Variants in KIAA0319L observed in about 807,000 individuals in gnomAD.
The protein encoded by KIAA0319L is dyslexia-associated protein KIAA0319-like protein.
A neutral mutation model predicts 120.1 loss-of-function variants in KIAA0319L; 55 were observed. The ratio of observed to expected loss-of-function variants is 0.46; its 90% CI spans 0.37 to 0.57. KIAA0319L has a LOEUF of 0.57. KIAA0319L is among the 20% of genes least tolerant of loss of function. The probability of loss-of-function intolerance (pLI) is 0.00; values close to 1 mark genes in which losing one functional copy is unlikely to be tolerated. For synonymous variants in KIAA0319L, 398 were observed against 471.9 expected, an observed-to-expected ratio of 0.84 and a Z score of 2.03; for missense variants, 1,049 against 1,255.3, an observed-to-expected ratio of 0.84 and a Z score of 2.48.
intron 16 of KIAA0319L, 39 bp downstream of exon 16, chr1:35,448,134 T>A: frequency 6.5e-7 from 1 of 1,539,300 alleles, no homozygotes; most frequent in Non-Finnish European, 8.8e-7. Flanking sequence ...CGGGGGCCCC[T>A]GGTCTTTCCT....
chr1:35,443,973 G>A (rs888322659), intron 17 of KIAA0319L, 188 bp downstream of exon 17: 3 of 462,958 alleles, frequency 6.5e-6, no homozygotes, highest in Non-Finnish European at 1.1e-5. Context: ...GATCTCAGGG[G>A]CCCATGGGCC....
intron 4 of KIAA0319L, among the ~76,000 whole-genome samples, chr1:35,477,469 C>T (rs1164295922): frequency 6.6e-6 from 1 of 152,072 alleles, no homozygotes; most frequent in Non-Finnish European, 1.5e-5. Flanking sequence ...AGATCGAGAC[C>T]ATCCTGGCTA....
rs918383686 is a variant in KIAA0319L at position 35,465,550 on chromosome 1, G to C, written c.1201+1058C>G. On this transcript the variant is annotated intron_variant, in intron 7 of 20. Transcript: ENST00000325722. ...GGCAGAATCGACTTGCCTTGTCTCA[G>C]ATGAGACATTGGACTGTGGACTTTT... 5.9e-5 allele frequency among the ~76,000 whole-genome samples: 9 copies of C among 152,342 alleles called. 1 individual carries two copies. Among genetic ancestry groups the C allele is most frequent in the Admixed American group, 2.6e-4 (4 of 15,304 alleles).
At chr1:35,464,429 T>C (rs1463446900) in intron 7 of KIAA0319L, among the ~76,000 whole-genome samples, 2 of 152,178 alleles carry the variant, frequency 1.3e-5, no homozygotes, top group Non-Finnish European at 2.9e-5. Flanking sequence ...TCTGCAGAAC[T>C]TTGAACTTGA....
chr1:35,499,213 C>T (rs1644914785), intron 3 of KIAA0319L, among the ~76,000 whole-genome samples: 1 of 152,128 alleles, frequency 6.6e-6, no homozygotes, highest in Non-Finnish European at 1.5e-5. Flanking sequence ...ACTCTTGCTT[C>T]GTAGGTGCTA....
rs184943005 is a variant in KIAA0319L at position 35,471,626 on chromosome 1, C to T, written c.1016-666G>A. Among the ~76,000 whole-genome samples the T allele has an allele frequency of 3.3e-3, 508 of 152,186 alleles. 2 individuals are homozygous for T. Among genetic ancestry groups the T allele is most frequent in the Non-Finnish European group, 4.7e-3 (317 of 67,990 alleles). Reference sequence around the variant, plus strand: ...TGGTAGGATCCTATCTAAATGGCATCCCTCCCCAGAAAAAGTAGTCTTAAA... The same window carrying T: ...TGGTAGGATCCTATCTAAATGGCATTCCTCCCCAGAAAAAGTAGTCTTAAA... On this transcript the variant is annotated intron_variant, in intron 5 of 20. Transcript: ENST00000325722.
In KIAA0319L at chr1:35,529,350, T is replaced by C. The variant is rs138253125; in HGVS notation, c.143-22215A>G. 7.9e-5 allele frequency among the ~76,000 whole-genome samples: 12 copies of C among 152,380 alleles called. No individual in the cohort carries two copies. The East Asian group carries it at 2.3e-3, about 29-fold the overall frequency. On this transcript the variant is annotated intron_variant, in intron 2 of 20. Transcript: ENST00000325722. ...CTTTCTTATTGTTATGGTTTGATGA[T>C]AAAATGAGTGAGTCCTTACTCTTTC...
At chr1:35,547,142 G>A (rs907914506) in intron 2 of KIAA0319L, among the ~76,000 whole-genome samples, 1 of 143,696 alleles carries the variant, frequency 7.0e-6, no homozygotes, top group Non-Finnish European at 1.5e-5. Context: ...ATTTATATAT[G>A]TAATATATAC....
rs765857225 is a variant in KIAA0319L at position 35,434,893 on chromosome 1, G to A, written c.*1C>T. On this transcript the variant is annotated 3_prime_UTR_variant, in exon 21 of 21. Coordinates refer to ENST00000325722, the MANE Select transcript of KIAA0319L (RefSeq NM_024874.5). ...CTGCCCTGAGGAGACAGACCAGGTG[G>A]CTACAGGATCTCCTCCCGCGGGCTC... is the stretch of plus-strand genomic sequence containing the variant. 6.2e-7 allele frequency: 1 copy of A among 1,611,728 alleles called. No individual in the cohort carries two copies. The highest frequency in any genetic ancestry group is 8.5e-7 in the Non-Finnish European group (1 of 1,179,612).
chr1:35,525,274 C>G (rs1009886580), intron 2 of KIAA0319L, among the ~76,000 whole-genome samples: 6 of 152,156 alleles, frequency 3.9e-5, no homozygotes, highest in African/African-American at 9.7e-5. Flanking sequence ...AATTCCATAT[C>G]TTTGCTATTG....
At position 35,507,098 on chromosome 1, in the gene KIAA0319L, T is replaced by C. The variant is rs756388198; in HGVS notation, c.180A>G (p.Gln60=). ...SESRCQQGKT[Q]FGVGLRSGGE... ...CCCCAGATCTCAGGCCAACTCCAAA[T>C]TGTGTCTTCCCCTGCTGGCACCTGC... The change falls in exon 3 of 21, where the codon CAA becomes CAG. Residue 60 remains glutamine, a synonymous_variant. Transcript: ENST00000325722. 20 of 1,542,098 alleles carry C rather than the reference T, an allele frequency of 1.3e-5. No individual in the cohort carries two copies. Among genetic ancestry groups the C allele is most frequent in the African/African-American group, 6.9e-5 (5 of 72,316 alleles).
At chr1:35,501,203 A>T (rs1260546080) in intron 3 of KIAA0319L, among the ~76,000 whole-genome samples, 1 of 152,208 alleles carries the variant, frequency 6.6e-6, no homozygotes, top group African/African-American at 2.4e-5. Context: ...ACACATCCTC[A>T]GGATCTTCCT....
intron 2 of KIAA0319L, among the ~76,000 whole-genome samples, chr1:35,513,348 C>T (rs1349703052): frequency 7.2e-6 from 1 of 138,620 alleles, no homozygotes; most frequent in Non-Finnish European, 1.5e-5. Context: ...CACATGATGG[C>T]TCACTCCCAT....
chr1:35,462,690 TGGGGGGCCGATTCTTAC>T lies in KIAA0319L; in HGVS notation c.1208_1224del (p.Arg403HisfsTer21). On this transcript the variant is annotated frameshift_variant, in exon 8 of 21. Coordinates refer to ENST00000325722, the MANE Select transcript of KIAA0319L (RefSeq NM_024874.5). LOFTEE classifies it high-confidence loss of function. ...TGGAACTGAGGTGACACAATAGCAATGGGGGGCCGATTCTTACGGGGCTCTGCAAGAAAGTGACCCAA... is the reference window on the plus strand; with the variant it reads ...TGGAACTGAGGTGACACAATAGCAATGGGGCTCTGCAAGAAAGTGACCCAA... The T allele has an allele frequency of 6.2e-7, 1 of 1,613,932 alleles. No homozygotes were observed. Among genetic ancestry groups the T allele is most frequent in the Non-Finnish European group, 8.5e-7 (1 of 1,179,912 alleles).
intron 2 of KIAA0319L, among the ~76,000 whole-genome samples, chr1:35,535,296 C>A (rs1410564633): frequency 2.6e-5 from 4 of 152,046 alleles, no homozygotes; most frequent in Non-Finnish European, 5.9e-5. Flanking sequence ...AAAATAAATT[C>A]ATTCCCCAAG....
intron 3 of KIAA0319L, among the ~76,000 whole-genome samples, chr1:35,486,511 C>T (rs771663724): frequency 6.6e-6 from 1 of 151,682 alleles, no homozygotes; most frequent in African/African-American, 2.4e-5. Flanking sequence ...ACGAAAACTA[C>T]AGATCCCTTC....
chr1:35,540,572 A>T (rs1646749082), intron 2 of KIAA0319L, among the ~76,000 whole-genome samples: 1 of 152,224 alleles, frequency 6.6e-6, no homozygotes, highest in Admixed American at 6.5e-5. Flanking sequence ...TATTCAGGAA[A>T]TGTGGATTAT....
intron 3 of KIAA0319L, among the ~76,000 whole-genome samples, chr1:35,492,532 T>A (rs573412604): frequency 2.0e-5 from 3 of 149,916 alleles, no homozygotes; most frequent in East Asian, 2.0e-4. Context: ...ATAAATTAAT[T>A]AATAATAATA....
chr1:35,554,155 C>A (rs146027483), intron 2 of KIAA0319L, among the ~76,000 whole-genome samples, 195 bp downstream of exon 2: 4 of 152,262 alleles, frequency 2.6e-5, no homozygotes, highest in African/African-American at 9.6e-5. Flanking sequence ...GAAAAAGAAT[C>A]CAATTTAAAC....
Sources: gnomAD v4.1 joint callset for allele counts (sites outside exome capture counted in the v4.1 genomes callset) on GRCh38, gnomAD v4.1.1 for gene constraint, MANE v1.5 for transcripts, NCBI Gene and HGNC (gene_info 2026-07-23, HGNC 2026-07-21) for gene names.